Variants in TMEM131 observed in about 807,000 individuals in gnomAD.
TMEM131 encodes the protein transmembrane protein 131.
In TMEM131, 66 loss-of-function variants were observed where a neutral mutation model predicts 211.6. The ratio of observed to expected loss-of-function variants is 0.31; its 90% CI spans 0.26 to 0.38. TMEM131 has a LOEUF of 0.38. Among genes scored for constraint, TMEM131 ranks in the 10% least tolerant of loss-of-function variants. The pLI is 1.00. For synonymous variants in TMEM131, 844 were observed against 841.3 expected (o/e 1.00, Z -0.06); for missense variants, 2,036 against 2,299.3 (o/e 0.89, Z 2.34).
intron 39 of TMEM131, 79 bp downstream of exon 39, chr2:97,759,573 C>T (rs1053894286): frequency 1.6e-6 from 2 of 1,231,126 alleles, no homozygotes; most frequent in African/African-American, 3.0e-5. Flanking sequence ...GCTGTGTTCT[C>T]CAGCACACAA....
At chr2:97,767,730 A>G (rs1198821150) in intron 33 of TMEM131, among the ~76,000 whole-genome samples, 2 of 152,166 alleles carry the variant, frequency 1.3e-5, no homozygotes, top group Non-Finnish European at 2.9e-5. Flanking sequence ...CATTTTCCAC[A>G]TTTCAGTGTG....
chr2:97,953,698 G>C (rs1218126528), intron 1 of TMEM131, among the ~76,000 whole-genome samples: 1 of 152,128 alleles, frequency 6.6e-6, no homozygotes, highest in Non-Finnish European at 1.5e-5. Flanking sequence ...CCCTACAACA[G>C]AATATTCATT....
chr2:97,816,127 G>A (rs2104983961), intron 12 of TMEM131, among the ~76,000 whole-genome samples: 1 of 152,272 alleles, frequency 6.6e-6, no homozygotes, highest in South Asian at 2.1e-4. Flanking sequence ...GATCACCTGA[G>A]GTCAGGAGTT....
chr2:97,965,337 T>C (rs533133291), intron 1 of TMEM131, among the ~76,000 whole-genome samples: 9 of 152,324 alleles, frequency 5.9e-5, no homozygotes, highest in African/African-American at 2.2e-4. Flanking sequence ...ACAAAGAGCT[T>C]GTAAACCAAT....
At chr2:97,811,291 A>G in intron 17 of TMEM131, 59 bp from the exon 18 acceptor site, 1 of 1,275,744 alleles carries the variant, frequency 7.8e-7, no homozygotes, top group Non-Finnish European at 1.1e-6. Context: ...TTCCTATTAA[A>G]ATGGACATGA....
At chr2:97,765,685 T>C (rs1462445860) in intron 35 of TMEM131, among the ~76,000 whole-genome samples, 3 of 152,208 alleles carry the variant, frequency 2.0e-5, no homozygotes, top group Non-Finnish European at 4.4e-5. Flanking sequence ...TGTAAAAAGA[T>C]GTGGGTAAAG....
At chr2:97,811,752 C>G (rs1338632255) in intron 17 of TMEM131, among the ~76,000 whole-genome samples, 2 of 152,192 alleles carry the variant, frequency 1.3e-5, no homozygotes, top group Non-Finnish European at 2.9e-5. Flanking sequence ...CTTGCTTTTC[C>G]TTTTGTAAAA....
chr2:97,892,900 G>T (rs771018144), intron 3 of TMEM131, among the ~76,000 whole-genome samples: 1 of 151,814 alleles, frequency 6.6e-6, no homozygotes, highest in Admixed American at 6.6e-5. Context: ...TGTTGAAAAA[G>T]ACTTTTTTTT....
At chr2:97,865,881 T>G (rs1000624813) in intron 4 of TMEM131, among the ~76,000 whole-genome samples, 5 of 152,096 alleles carry the variant, frequency 3.3e-5, no homozygotes, top group Non-Finnish European at 7.4e-5. Context: ...TTCTGGCAAG[T>G]TTTTGTTTTG....
intron 31 of TMEM131, among the ~76,000 whole-genome samples, chr2:97,787,617 G>A (rs1680313826): frequency 6.6e-6 from 1 of 152,094 alleles, no homozygotes; most frequent in Non-Finnish European, 1.5e-5. Context: ...ACTCTCAAAG[G>A]TTTTTTTCCC....
At chr2:97,915,710 G>A (rs1676482499) in intron 2 of TMEM131, among the ~76,000 whole-genome samples, 2 of 152,086 alleles carry the variant, frequency 1.3e-5, no homozygotes, top group East Asian at 3.9e-4. Context: ...TAATTCTTTG[G>A]TGTCAAGAAC....
rs779661831 is a variant in TMEM131, at chr2:97,793,426, T to A, written c.3514A>T (p.Arg1172Trp). ...TCAGATGAAATACCAACGATTCTCC[T>A]GAGATCAAATGGCCTTCCCACATCG... Reference protein sequence around the residue: ...PFDVGRPFDLRRIVGISSEGN... With the variant: ...PFDVGRPFDLWRIVGISSEGN... The change falls in exon 30 of 41, where the codon AGG becomes TGG. Residue 1172 changes from arginine (R) to tryptophan (W), a missense_variant. Physicochemically the swap from Arg to Trp is moderately radical, Grantham distance 101 (BLOSUM62 -3). Transcript: ENST00000186436. The A allele has an allele frequency of 6.2e-7, 1 of 1,613,766 alleles. No individual in the cohort carries two copies. The highest frequency in any genetic ancestry group is 8.5e-7 in the Non-Finnish European group (1 of 1,179,710).
intron 2 of TMEM131, among the ~76,000 whole-genome samples, chr2:97,916,640 A>G (rs906196255): frequency 6.6e-6 from 1 of 152,254 alleles, no homozygotes; most frequent in African/African-American, 2.4e-5. Context: ...AGAGAGAAAA[A>G]TAACTGAAAA....
At chr2:97,836,089 A>G (rs1252215108) in intron 8 of TMEM131, among the ~76,000 whole-genome samples, 1 of 152,236 alleles carries the variant, frequency 6.6e-6, no homozygotes, top group Non-Finnish European at 1.5e-5. Context: ...TCCCTCAAAC[A>G]CCACAATTTC....
At chr2:97,790,902 G>A (rs1394955973) in intron 31 of TMEM131, among the ~76,000 whole-genome samples, 2 of 152,166 alleles carry the variant, frequency 1.3e-5, no homozygotes, top group Admixed American at 6.5e-5. Flanking sequence ...GAACTCAATA[G>A]AGCTAGTTTT....
Position 97,792,707 on chromosome 2 carries a change from T to C in TMEM131, c.3823A>G (p.Thr1275Ala). 1.9e-6 allele frequency: 3 copies of C among 1,614,060 alleles called. No homozygotes were observed. Among genetic ancestry groups the C allele is most frequent in the East Asian group, 2.2e-5 (1 of 44,888 alleles). The change falls in exon 31 of 41, where the codon ACA becomes GCA. Residue 1275 changes from threonine (T) to alanine (A), a missense_variant. By Grantham distance (58) the Thr-to-Ala change is moderately conservative. This residue lies in a region of TMEM131 where 1,623 missense variants were observed against 1,805.9 expected (regional missense o/e 0.90). Transcript: ENST00000186436. ...GCCCCTTTGGACTTTCTGCCCGCTG[T>C]ATGACCTTGAGTCACTGTGTTCGAA... The part of the protein sequence containing the change: ...LDSNTVTQGH[T>A]AGRKSKGAKQ...
At position 97,792,650 on chromosome 2, in the gene TMEM131, C is replaced by T. The variant is rs893747109; in HGVS notation, c.3880G>A (p.Ala1294Thr). ...GGGTGCTGCTCCAGCGGGCTGTGGG[C>T]ATGGTGCTGGCTGCCGTGCTGGCTC... ...KQSQHGSQHH[A>T]HSPLEQHPQP... The change falls in exon 31 of 41, where the codon GCC becomes ACC. Residue 1294 changes from alanine to threonine, a missense_variant. This residue lies in a region of TMEM131 where 1,623 missense variants were observed against 1,805.9 expected (regional missense o/e 0.90). Transcript: ENST00000186436. 2.5e-6 allele frequency: 4 copies of T among 1,613,802 alleles called. No homozygotes were observed. Among genetic ancestry groups the T allele is most frequent in the Non-Finnish European group, 3.4e-6 (4 of 1,179,810 alleles).
In TMEM131 at chr2:97,792,959, CG is replaced by C; in HGVS notation, c.3570del (p.Gly1191ValfsTer75). The stretch of plus-strand genomic sequence containing the variant: ...GCTCCACAGAACCCCCTACTGTGAC[CG>C]GGGTCACAGCTGAGTGTGTTCAAGC... ...EGNLNTLSCD[P>X]GHSRGFCGAG... On this transcript the variant is annotated frameshift_variant, in exon 31 of 41. Transcript: ENST00000186436. LOFTEE classifies it high-confidence loss of function. 1 of 1,596,094 alleles carries C rather than the reference CG, an allele frequency of 6.3e-7. No homozygotes were observed.
At chr2:97,835,743 T>TC (rs956094837) in intron 8 of TMEM131, among the ~76,000 whole-genome samples, 1 of 152,162 alleles carries the variant, frequency 6.6e-6, no homozygotes, top group Non-Finnish European at 1.5e-5. Flanking sequence ...GACCATCCAC[T>TC]CCCCAGCTCT....
Sources: allele counts gnomAD v4.1 joint callset (sites outside exome capture counted in the v4.1 genomes callset), GRCh38; gene constraint gnomAD v4.1.1; regional missense constraint gnomAD v4.1.1; transcripts MANE v1.5; gene names NCBI Gene and HGNC (gene_info 2026-07-23, HGNC 2026-07-21).